Variants in EIF3H observed in about 807,000 individuals in gnomAD.
The protein encoded by EIF3H is eukaryotic translation initiation factor 3 subunit H.
Under a neutral mutation model 44.2 loss-of-function variants are expected in EIF3H, and 26 were observed. The observed-to-expected ratio is 0.59, with a 90% CI of 0.43 to 0.82. The LOEUF (loss-of-function observed/expected upper bound fraction) is 0.82. Ranked by LOEUF, EIF3H falls within the 40% of genes least tolerant of loss-of-function variation. EIF3H has a pLI of 0.00. For synonymous variants in EIF3H, 166 were observed against 151.9 expected (o/e 1.09, Z -0.68); for missense variants, 359 against 432.8 (o/e 0.83, Z 1.51).
intron 2 of EIF3H, among the ~76,000 whole-genome samples, chr8:116,698,064 G>A (rs1814298893): frequency 6.6e-6 from 1 of 152,136 alleles, no homozygotes; most frequent in Non-Finnish European, 1.5e-5. Flanking sequence ...GGATCAGACT[G>A]GATTCAAATG....
intron 5 of EIF3H, among the ~76,000 whole-genome samples, chr8:116,653,197 GAA>G (rs1813425689): frequency 6.6e-6 from 1 of 152,044 alleles, no homozygotes; most frequent in Non-Finnish European, 1.5e-5. Flanking sequence ...GTTTCTACCA[GAA>G]AAGTCTTTAA....
chr8:116,660,155 T>C (rs1347992414), intron 2 of EIF3H, among the ~76,000 whole-genome samples: 4 of 152,218 alleles, frequency 2.6e-5, no homozygotes, highest in Non-Finnish European at 5.9e-5. Context: ...CCTCCCAAAG[T>C]GTTGGGATTG....
chr8:116,689,014 A>G, intron 2 of EIF3H: 3 of 399,740 alleles, frequency 7.5e-6, no homozygotes, highest in South Asian at 5.4e-5. Flanking sequence ...GATTTACAGC[A>G]GCATTATTCA....
At chr8:116,757,883 A>G (rs1261172749), upstream of EIF3H, among the ~76,000 whole-genome samples, 6 of 152,076 alleles carry the variant, frequency 3.9e-5, no homozygotes, top group South Asian at 6.2e-4. Context: ...CACCCTGTCC[A>G]GCTAATTTTT....
intron 2 of EIF3H, among the ~76,000 whole-genome samples, chr8:116,702,763 C>A (rs547816007): frequency 1.3e-5 from 2 of 152,070 alleles, no homozygotes; most frequent in Non-Finnish European, 2.9e-5. Flanking sequence ...AAATCAAGTA[C>A]GAATAACAAA....
At chr8:116,649,424 C>T (rs1813355024) in intron 5 of EIF3H, among the ~76,000 whole-genome samples, 1 of 152,124 alleles carries the variant, frequency 6.6e-6, no homozygotes, top group Non-Finnish European at 1.5e-5. Flanking sequence ...GGCTCCTTTC[C>T]TCTTACCTTT....
chr8:116,677,551 T>C (rs928484007), intron 2 of EIF3H, among the ~76,000 whole-genome samples: 4 of 152,226 alleles, frequency 2.6e-5, no homozygotes, highest in African/African-American at 9.7e-5. Context: ...TCTCATATAC[T>C]GAGAGCAACA....
chr8:116,764,754 A>G (rs1815551085), intron 1 of EIF3H, among the ~76,000 whole-genome samples: 1 of 152,210 alleles, frequency 6.6e-6, no homozygotes, highest in Non-Finnish European at 1.5e-5. Flanking sequence ...CCTGGGCTCA[A>G]GTGATCCTCC....
intron 1 of EIF3H, among the ~76,000 whole-genome samples, chr8:116,745,085 G>T (rs1201662754): frequency 2.0e-5 from 3 of 152,092 alleles, no homozygotes; most frequent in Non-Finnish European, 4.4e-5. Flanking sequence ...GTGACAAGAA[G>T]GCAAAAGATA....
At chr8:116,740,247 G>T (rs1012342512) in intron 1 of EIF3H, among the ~76,000 whole-genome samples, 1 of 152,180 alleles carries the variant, frequency 6.6e-6, no homozygotes, top group Non-Finnish European at 1.5e-5. Context: ...TTTATGTCAC[G>T]AAGTCTCTCA....
At chr8:116,725,494 C>T (rs114832738) in intron 2 of EIF3H, among the ~76,000 whole-genome samples, 1,793 of 152,280 alleles carry the variant, frequency 0.012, 38 homozygotes, top group African/African-American at 0.04. Context: ...AAAAAATCTT[C>T]TAGATGCTGA....
At chr8:116,710,416 G>T (rs1814553832) in intron 2 of EIF3H, among the ~76,000 whole-genome samples, 1 of 152,138 alleles carries the variant, frequency 6.6e-6, no homozygotes, top group Non-Finnish European at 1.5e-5. Flanking sequence ...TAGCAAAATA[G>T]TAGAGGCTGT....
At chr8:116,661,117 T>C (rs1405253723) in intron 2 of EIF3H, among the ~76,000 whole-genome samples, 1 of 152,234 alleles carries the variant, frequency 6.6e-6, no homozygotes, top group East Asian at 1.9e-4. Context: ...TCTCCTTCTG[T>C]TTCGAAATTC....
chr8:116,679,222 C>T (rs1300449370), intron 2 of EIF3H, among the ~76,000 whole-genome samples: 3 of 68,946 alleles, frequency 4.4e-5, no homozygotes, highest in African/African-American at 1.6e-4. Flanking sequence ...TGAGGGGCGC[C>T]TCTGCCCGGC....
At chr8:116,738,418 G>A (rs1815078430) in intron 1 of EIF3H, among the ~76,000 whole-genome samples, 1 of 152,126 alleles carries the variant, frequency 6.6e-6, no homozygotes, top group African/African-American at 2.4e-5. Flanking sequence ...CTCATCTCTT[G>A]TTAACCTGAC....
rs562539557 is a variant in EIF3H at position 116,743,701 on chromosome 8, C to T, written c.132+11965G>A. 4.2e-4 allele frequency among the ~76,000 whole-genome samples: 59 copies of T among 142,100 alleles called. 1 individual carries two copies. The South Asian group carries it at 0.013, about 30-fold the overall frequency. 93.2% of individuals were successfully genotyped at this position (142,100 alleles called of 152,430 possible). ...TGAGCCCCAGAGGTGGAGGCTGCAG[C>T]GAGCCGAGATCGCACCACTGCACTC... On this transcript the variant is annotated intron_variant, in intron 1 of 7. Coordinates refer to ENST00000521861, the MANE Select transcript of EIF3H (RefSeq NM_003756.3).
rs1424766758 is a variant in EIF3H, at chr8:116,643,808, T to C, written c.*1198A>G. ...CCATCTCCTTTTTTGATAACCCTCCTAGGGGATCATAATCAAAAATTCTCA... is the reference window on the plus strand; with the variant it reads ...CCATCTCCTTTTTTGATAACCCTCCCAGGGGATCATAATCAAAAATTCTCA... On this transcript the variant is annotated 3_prime_UTR_variant, in exon 8 of 8. Coordinates refer to ENST00000521861, the MANE Select transcript of EIF3H (RefSeq NM_003756.3). The C allele has an allele frequency of 1.3e-5, 2 of 152,162 alleles. No homozygotes were observed. The highest frequency in any genetic ancestry group is 2.4e-5 in the African/African-American group (1 of 41,446). The allele number at this position is 152,162 out of a possible 1,614,324, so 9.4% of individuals were successfully genotyped here.
At chr8:116,732,057 C>T (rs1007661929) in intron 1 of EIF3H, among the ~76,000 whole-genome samples, 6 of 152,282 alleles carry the variant, frequency 3.9e-5, no homozygotes, top group African/African-American at 9.6e-5. Context: ...TTCAAGGAAT[C>T]CCAACCTGCA....
intron 2 of EIF3H, among the ~76,000 whole-genome samples, chr8:116,686,022 T>C (rs1390497883): frequency 6.6e-6 from 1 of 152,106 alleles, no homozygotes. Context: ...TTAGTACCCA[T>C]GAAAAAGACA....
Sources: allele counts gnomAD v4.1 joint callset (sites outside exome capture counted in the v4.1 genomes callset), GRCh38; gene constraint gnomAD v4.1.1; transcripts MANE v1.5; gene names NCBI Gene and HGNC (gene_info 2026-07-23, HGNC 2026-07-21).